HYDIN: variants seen among roughly 807,000 people sequenced by gnomAD.
HYDIN encodes the protein HYDIN axonemal central pair apparatus protein, also known as axonemal central pair apparatus protein HYDIN.
Under a neutral mutation model 403.9 loss-of-function variants are expected in HYDIN, and 132 were observed. The ratio of observed to expected loss-of-function variants is 0.33; its 90% CI spans 0.28 to 0.38. The LOEUF is 0.38. HYDIN is among the 10% of genes least tolerant of loss of function. The pLI is 1.00. For missense variants in HYDIN, 2,827 were observed against 5,009.5 expected, an observed-to-expected ratio of 0.56 and a Z score of 13.15; for synonymous variants, 1,202 against 1,891.7, an observed-to-expected ratio of 0.64 and a Z score of 9.46.
intron 9 of HYDIN, among the ~76,000 whole-genome samples, chr16:71,119,103 T>C (rs1232453496): frequency 2.0e-5 from 3 of 151,606 alleles, no homozygotes; most frequent in Non-Finnish European, 4.4e-5. Flanking sequence ...CAAGTCAGGG[T>C]CTTATGGTTT....
At chr16:71,215,747 C>A (rs996991659) in intron 1 of HYDIN, among the ~76,000 whole-genome samples, 2 of 149,798 alleles carry the variant, frequency 1.3e-5, no homozygotes, top group Non-Finnish European at 1.5e-5. Flanking sequence ...AACTACTGTA[C>A]CAGAATATTT....
intron 25 of HYDIN, among the ~76,000 whole-genome samples, chr16:70,989,453 T>C (rs1473789763): frequency 1.3e-5 from 2 of 152,174 alleles, no homozygotes; most frequent in Admixed American, 6.5e-5. Flanking sequence ...TTTTAAAATA[T>C]AGAAAGCTCC....
At chr16:71,150,402 G>A (rs968016025) in intron 7 of HYDIN, among the ~76,000 whole-genome samples, 1 of 150,540 alleles carries the variant, frequency 6.6e-6, no homozygotes, top group Non-Finnish European at 1.5e-5. Flanking sequence ...AAAATATAGA[G>A]GTAAAAATGA....
intron 45 of HYDIN, among the ~76,000 whole-genome samples, chr16:70,925,988 T>C (rs12051171): frequency 1.4e-5 from 2 of 147,374 alleles, no homozygotes; most frequent in Middle Eastern, 3.5e-3. Context: ...TGTGGAGAAA[T>C]AGGAACACTT....
At chr16:71,106,664 T>A (rs1221630802) in intron 10 of HYDIN, among the ~76,000 whole-genome samples, 1 of 152,102 alleles carries the variant, frequency 6.6e-6, no homozygotes, top group East Asian at 1.9e-4. Context: ...TTTTTTCCTG[T>A]CTCTGAACAT....
intron 9 of HYDIN, among the ~76,000 whole-genome samples, chr16:71,117,841 T>C (rs1158042540): frequency 6.6e-6 from 1 of 151,964 alleles, no homozygotes; most frequent in African/African-American, 2.4e-5. Flanking sequence ...TTGGGTTTAT[T>C]AATTAACACA....
intron 69 of HYDIN, among the ~76,000 whole-genome samples, chr16:70,861,120 G>A (rs555490055): frequency 3.3e-5 from 5 of 152,002 alleles, no homozygotes; most frequent in South Asian, 4.2e-4. Context: ...AAGTATGGCC[G>A]CAGGTTACTT....
At chr16:71,046,844 A>G (rs2081466371) in intron 18 of HYDIN, among the ~76,000 whole-genome samples, 1 of 152,214 alleles carries the variant, frequency 6.6e-6, no homozygotes, top group Non-Finnish European at 1.5e-5. Context: ...ATGACTGTAT[A>G]CTATCAGTGC....
At chr16:70,821,741 T>TA (rs71387538) in intron 83 of HYDIN, among the ~76,000 whole-genome samples, 12 of 151,842 alleles carry the variant, frequency 7.9e-5, no homozygotes, top group South Asian at 2.1e-4. Flanking sequence ...AGTTTTTTTT[T>TA]AAAAACTAAT....
intron 84 of HYDIN, among the ~76,000 whole-genome samples, chr16:70,813,154 T>C (rs2035613370): frequency 6.6e-6 from 1 of 152,232 alleles, no homozygotes; most frequent in South Asian, 2.1e-4. Context: ...GGTTTCACTA[T>C]GTTGGCCAGA....
intron 10 of HYDIN, among the ~76,000 whole-genome samples, chr16:71,096,487 G>T (rs2083281743): frequency 6.6e-6 from 1 of 152,166 alleles, no homozygotes; most frequent in South Asian, 2.1e-4. Flanking sequence ...TTGTGTGTGT[G>T]TGTGTGTTCT....
intron 47 of HYDIN, among the ~76,000 whole-genome samples, chr16:70,909,688 CTTTTTTTTTT>C (rs74464612): frequency 1.2e-4 from 8 of 64,776 alleles, no homozygotes; most frequent in African/African-American, 4.5e-4. Flanking sequence ...TCAGGCATGT[CTTTTTTTTTT>C]TTTTTTTTTT....
At chr16:70,822,836 G>A (rs534871172) in intron 83 of HYDIN, among the ~76,000 whole-genome samples, 5 of 150,588 alleles carry the variant, frequency 3.3e-5, no homozygotes, top group South Asian at 2.1e-4. Context: ...AGGTATGCAC[G>A]TTACTTTTAA....
At chr16:71,190,741 G>C (rs902809650) in intron 1 of HYDIN, among the ~76,000 whole-genome samples, 2 of 152,136 alleles carry the variant, frequency 1.3e-5, no homozygotes, top group Non-Finnish European at 2.9e-5. Flanking sequence ...AACACTAAAA[G>C]AGTAAAACAC....
intron 13 of HYDIN, among the ~76,000 whole-genome samples, chr16:71,078,902 C>T (rs1386702684): frequency 6.6e-6 from 1 of 152,172 alleles, no homozygotes; most frequent in African/African-American, 2.4e-5. Context: ...AACGAAATCC[C>T]TAAGTTTTGG....
intron 42 of HYDIN, among the ~76,000 whole-genome samples, chr16:70,943,424 T>C (rs2077743141): frequency 6.6e-6 from 1 of 152,160 alleles, no homozygotes; most frequent in Non-Finnish European, 1.5e-5. Flanking sequence ...TAGAATGTTA[T>C]TATGTTTTAA....
chr16:71,186,846 A>T lies in HYDIN; in HGVS notation c.50T>A (p.Leu17Ter). Residue 17 changes from leucine to a stop codon, truncating the protein, a stop_gained, in exon 2 of 86, where the codon TTG becomes TAG. Coordinates refer to ENST00000393567, the MANE Select transcript of HYDIN (RefSeq NM_001270974.2). LOFTEE classifies it high-confidence loss of function. Reference sequence around the variant, plus strand: ...TTGAAATCCTTTGAACATATTGACCAATCCCATCTGAACAGCCCCCATGGA... The same window carrying T: ...TTGAAATCCTTTGAACATATTGACCTATCCCATCTGAACAGCCCCCATGGA... ...EESMGAVQMG[L>*]VNMFKGFQSK... 6.2e-7 allele frequency: 1 copy of T among 1,613,226 alleles called. No individual in the cohort carries two copies. The highest frequency in any genetic ancestry group is 8.5e-7 in the Non-Finnish European group (1 of 1,179,328).
chr16:70,854,145 G>T (rs1254395627), intron 73 of HYDIN, among the ~76,000 whole-genome samples: 1 of 152,034 alleles, frequency 6.6e-6, no homozygotes, highest in African/African-American at 2.4e-5. Context: ...CTCCCAAAGT[G>T]CTGGGATTAC....
At chr16:70,898,830 G>A (rs796910418) in intron 53 of HYDIN, among the ~76,000 whole-genome samples, 15 of 149,556 alleles carry the variant, frequency 1.0e-4, no homozygotes, top group African/African-American at 3.4e-4. Context: ...TGCAACCTCC[G>A]CCTCCAGGGT....
Sources: gnomAD v4.1 joint callset for allele counts (sites outside exome capture counted in the v4.1 genomes callset) on GRCh38, gnomAD v4.1.1 for gene constraint, MANE v1.5 for transcripts, NCBI Gene and HGNC (gene_info 2026-07-23, HGNC 2026-07-21) for gene names.